JARID2: variants seen among roughly 807,000 people sequenced by gnomAD.
JARID2 encodes protein Jumonji.
JARID2 carries 21 observed loss-of-function variants against 125.6 expected under a neutral mutation model. The ratio of observed to expected loss-of-function variants is 0.17; its 90% CI spans 0.12 to 0.24. JARID2 has a LOEUF of 0.24. Ranked by LOEUF, JARID2 falls within the 10% of genes least tolerant of loss-of-function variation. The probability of loss-of-function intolerance (pLI) is 1.00; values close to 1 mark genes in which losing one functional copy is unlikely to be tolerated. For synonymous variants in JARID2, 736 were observed against 661.6 expected (o/e 1.11, Z -1.73); for missense variants, 1,303 against 1,639.6 (o/e 0.79, Z 3.55).
Position 15,247,423 on chromosome 6 carries a change from C to CT in JARID2, c.45+853dup, listed in dbSNP as rs10712805. On this transcript the variant is annotated intron_variant, in intron 1 of 17. Coordinates refer to ENST00000341776, the MANE Select transcript of JARID2 (RefSeq NM_004973.4). ...AGTGTTTTTGTTTTGTGTGTGGTGG[C>CT]TTTTTTTTTTTTTTAAGTTTGAGGG... 9.3e-3 allele frequency: 8,013 copies of CT among 862,022 alleles called. 17 individuals carry two copies. Among genetic ancestry groups the CT allele is most frequent in the East Asian group, 0.07 (537 of 7,626 alleles). 53.4% of individuals were successfully genotyped at this position (862,022 alleles called of 1,614,324 possible).
In JARID2 at chr6:15,488,164, T is replaced by TC. The variant is rs1297388969; in HGVS notation, c.906+627dup. On this transcript the variant is annotated intron_variant, in intron 6 of 17. Coordinates refer to ENST00000341776, the MANE Select transcript of JARID2 (RefSeq NM_004973.4). The stretch of plus-strand genomic sequence containing the variant: ...TCCTGCGCTGTCCCCCCACCCGCTA[T>TC]CCCCCAACAGGGCCACAGATAATGC... Among the ~76,000 whole-genome samples the TC allele has an allele frequency of 2.0e-5, 3 of 152,170 alleles. No individual in the cohort carries two copies. The South Asian group carries it at 6.2e-4, about 32-fold the overall frequency.
At chr6:15,468,399 A>C in intron 4 of JARID2, 143 bp from the exon 5 acceptor site, 1 of 625,930 alleles carries the variant, frequency 1.6e-6, no homozygotes, top group South Asian at 3.7e-5. Flanking sequence ...TGATCTTGGG[A>C]GCATTTGAAA....
intron 8 of JARID2, among the ~76,000 whole-genome samples, chr6:15,503,200 G>A (rs184446257): frequency 1.3e-5 from 2 of 152,216 alleles, no homozygotes; most frequent in Non-Finnish European, 2.9e-5. Flanking sequence ...TGTGGCACCG[G>A]TGTCCTGGCT....
chr6:15,338,770 C>G (rs182651006), intron 1 of JARID2, among the ~76,000 whole-genome samples: 4 of 152,334 alleles, frequency 2.6e-5, no homozygotes, highest in Non-Finnish European at 5.9e-5. Context: ...CTCACTCTTT[C>G]CCTTCCAGCA....
At chr6:15,374,726 T>G (rs1035300161) in intron 2 of JARID2, among the ~76,000 whole-genome samples, 3 of 152,196 alleles carry the variant, frequency 2.0e-5, no homozygotes, top group African/African-American at 7.2e-5. Context: ...CCTCTAGAAG[T>G]GTGCTTCTTC....
At chr6:15,319,637 C>T (rs763105857) in intron 1 of JARID2, among the ~76,000 whole-genome samples, 6 of 152,144 alleles carry the variant, frequency 3.9e-5, no homozygotes, top group Non-Finnish European at 7.4e-5. Context: ...AACTCCTGTC[C>T]TCAAGTGATC....
intron 4 of JARID2, among the ~76,000 whole-genome samples, chr6:15,457,015 G>C (rs981533161): frequency 6.6e-6 from 1 of 151,436 alleles, no homozygotes; most frequent in Non-Finnish European, 1.5e-5. Context: ...GACGACCGCT[G>C]TTAATTACCT....
intron 2 of JARID2, among the ~76,000 whole-genome samples, chr6:15,409,489 T>G (rs1765789403): frequency 6.6e-6 from 1 of 152,206 alleles, no homozygotes; most frequent in African/African-American, 2.4e-5. Flanking sequence ...TATTCACCCG[T>G]TTCCCTATAG....
chr6:15,389,045 T>A (rs1764902267), intron 2 of JARID2, among the ~76,000 whole-genome samples: 1 of 152,236 alleles, frequency 6.6e-6, no homozygotes, highest in Non-Finnish European at 1.5e-5. Flanking sequence ...TCTGGTGGTC[T>A]CTGAAGTGGT....
intron 1 of JARID2, among the ~76,000 whole-genome samples, chr6:15,314,039 C>G (rs1156395079): frequency 6.6e-6 from 1 of 152,092 alleles, no homozygotes; most frequent in African/African-American, 2.4e-5. Context: ...CCAAGGTGTC[C>G]TGATGTTGAG....
At chr6:15,504,442 AT>A in intron 8 of JARID2, 57 bp from the exon 9 acceptor site, 1 of 1,326,480 alleles carries the variant, frequency 7.5e-7, no homozygotes, top group East Asian at 2.3e-5. Context: ...GTCTGGCCTC[AT>A]TTGCAGTAGG....
At chr6:15,477,387 C>T (rs965947724) in intron 5 of JARID2, among the ~76,000 whole-genome samples, 1 of 151,760 alleles carries the variant, frequency 6.6e-6, no homozygotes, top group East Asian at 1.9e-4. Flanking sequence ...GCCGCCTCCC[C>T]GCCCCCGAGA....
chr6:15,295,144 C>T (rs1309722310), intron 1 of JARID2, among the ~76,000 whole-genome samples: 4 of 125,900 alleles, frequency 3.2e-5, no homozygotes, highest in African/African-American at 6.1e-5. Flanking sequence ...TTTTTTGAGA[C>T]GGAGTCTTGC....
At chr6:15,493,528 G>A (rs932489533) in intron 6 of JARID2, among the ~76,000 whole-genome samples, 203 of 152,212 alleles carry the variant, frequency 1.3e-3, no homozygotes, top group African/African-American at 4.7e-3. Flanking sequence ...CTGGGAGTAG[G>A]GCTGAAACAG....
intron 1 of JARID2, among the ~76,000 whole-genome samples, chr6:15,290,478 A>G (rs775743403): frequency 4.6e-5 from 7 of 152,068 alleles, no homozygotes; most frequent in Non-Finnish European, 8.8e-5. Context: ...ATGTCCTTGA[A>G]CCATTTTGCA....
Position 15,369,210 on chromosome 6 carries a change from C to T in JARID2, c.46-4907C>T. 2.5e-5 allele frequency: 8 copies of T among 322,500 alleles called. 1 individual carries two copies. The highest frequency in any genetic ancestry group is 2.3e-4 in the South Asian group (8 of 35,110). The allele number at this position is 322,500 out of a possible 1,614,324, so 20.0% of individuals were successfully genotyped here. A position where few individuals can be genotyped will look rare whatever the true frequency, so the allele number is the denominator to read the frequency against. On this transcript the variant is annotated intron_variant, in intron 1 of 17. Transcript: ENST00000341776. ...TTTTGTCTTTTAGTAAAAAGACTCA[C>T]AGTCCGGGTTAGAGATAACTTGCAA...
At chr6:15,409,117 A>G (rs1412577304) in intron 2 of JARID2, among the ~76,000 whole-genome samples, 5 of 152,194 alleles carry the variant, frequency 3.3e-5, no homozygotes, top group Non-Finnish European at 5.9e-5. Context: ...ATGTTTATGT[A>G]TTTTTTAATC....
chr6:15,501,473 T>G, intron 8 of JARID2, 64 bp downstream of exon 8: 1 of 1,456,500 alleles, frequency 6.9e-7, no homozygotes, highest in Non-Finnish European at 9.2e-7. Context: ...AGAGAGGAAG[T>G]GGAGCGTGCT....
At chr6:15,465,715 A>T (rs1027310608) in intron 4 of JARID2, among the ~76,000 whole-genome samples, 2 of 152,146 alleles carry the variant, frequency 1.3e-5, no homozygotes, top group African/African-American at 4.8e-5. Context: ...TGTGCTTCAC[A>T]TGGATTTTTA....
Sources: allele counts gnomAD v4.1 joint callset (sites outside exome capture counted in the v4.1 genomes callset), GRCh38; gene constraint gnomAD v4.1.1; transcripts MANE v1.5; gene names NCBI Gene and HGNC (gene_info 2026-07-23, HGNC 2026-07-21).